The following ESYT2 variants were observed in gnomAD, a reference collection of about 807,000 sequenced individuals.
ESYT2 encodes extended synaptotagmin-2.
Under a neutral mutation model 107.2 loss-of-function variants are expected in ESYT2, and 54 were observed. The ratio of observed to expected loss-of-function variants is 0.50; its 90% CI spans 0.40 to 0.63. The LOEUF is 0.63. ESYT2 is among the 30% of genes least tolerant of loss of function. The pLI is 0.00. For missense variants in ESYT2, 1,020 were observed against 1,094.5 expected, an observed-to-expected ratio of 0.93 and a Z score of 0.96; for synonymous variants, 491 against 434.1, an observed-to-expected ratio of 1.13 and a Z score of -1.63.
chr7:158,743,457 G>T, intron 17 of ESYT2, 72 bp downstream of exon 17: 1 of 1,545,034 alleles, frequency 6.5e-7, no homozygotes, highest in Non-Finnish European at 8.7e-7. Flanking sequence ...CTCATGCCCG[G>T]GGCCCATGAG....
At chr7:158,751,153 A>G (rs1254077378) in intron 14 of ESYT2, among the ~76,000 whole-genome samples, 1 of 152,070 alleles carries the variant, frequency 6.6e-6, no homozygotes, top group Non-Finnish European at 1.5e-5. Context: ...TTTTTGGGGG[A>G]GGTTGGCAGT....
intron 1 of ESYT2, among the ~76,000 whole-genome samples, chr7:158,827,910 G>A (rs1305341774): frequency 6.6e-6 from 1 of 152,132 alleles, no homozygotes; most frequent in Non-Finnish European, 1.5e-5. Flanking sequence ...GAAAGAATTA[G>A]GGAATGACAA....
intron 13 of ESYT2, among the ~76,000 whole-genome samples, chr7:158,754,900 G>A (rs1172999936): frequency 6.6e-6 from 1 of 152,140 alleles, no homozygotes; most frequent in Non-Finnish European, 1.5e-5. Context: ...TAAACAAGTA[G>A]CAACCTGAGA....
At chr7:158,827,186 A>T (rs2129474494) in intron 1 of ESYT2, among the ~76,000 whole-genome samples, 1 of 151,926 alleles carries the variant, frequency 6.6e-6, no homozygotes, top group Non-Finnish European at 1.5e-5. Context: ...AAAGAAAAGA[A>T]AAAGAAAATC....
chr7:158,744,372 C>T (rs1475129778), intron 16 of ESYT2, among the ~76,000 whole-genome samples: 2 of 152,140 alleles, frequency 1.3e-5, no homozygotes, highest in Non-Finnish European at 2.9e-5. Flanking sequence ...CAATAGTCTA[C>T]CTGTCTTTTA....
At chr7:158,822,077 C>G (rs1261666303) in intron 1 of ESYT2, among the ~76,000 whole-genome samples, 2 of 152,090 alleles carry the variant, frequency 1.3e-5, no homozygotes, top group Admixed American at 6.5e-5. Context: ...TGTGTTGGCA[C>G]AATCATCTGC....
intron 1 of ESYT2, among the ~76,000 whole-genome samples, chr7:158,802,946 C>T (rs1042179150): frequency 6.6e-6 from 1 of 152,206 alleles, no homozygotes; most frequent in Non-Finnish European, 1.5e-5. Context: ...TTGAGCTTTG[C>T]TCAATGCTGC....
At chr7:158,744,905 C>T (rs540874761) in intron 16 of ESYT2, among the ~76,000 whole-genome samples, 3 of 152,218 alleles carry the variant, frequency 2.0e-5, no homozygotes, top group South Asian at 4.2e-4. Flanking sequence ...ATAACTATGA[C>T]AATGTTTGTG....
intron 7 of ESYT2, among the ~76,000 whole-genome samples, chr7:158,771,190 G>A (rs1004051214): frequency 5.9e-5 from 9 of 152,208 alleles, no homozygotes; most frequent in African/African-American, 2.2e-4. Flanking sequence ...CACATTCTCT[G>A]ACTGCCCTTT....
intron 16 of ESYT2, among the ~76,000 whole-genome samples, chr7:158,747,405 G>C (rs1837441768): frequency 6.6e-6 from 1 of 150,662 alleles, no homozygotes; most frequent in Non-Finnish European, 1.5e-5. Flanking sequence ...GTATTAAGAA[G>C]ACAAATAACC....
chr7:158,738,922 T>C, intron 19 of ESYT2, 101 bp downstream of exon 19: 4 of 1,195,498 alleles, frequency 3.3e-6, no homozygotes, highest in Non-Finnish European at 4.8e-6. Flanking sequence ...AAATGAAACA[T>C]AAATGGATGT....
At chr7:158,811,351 T>A (rs189891371) in intron 1 of ESYT2, among the ~76,000 whole-genome samples, 2 of 152,266 alleles carry the variant, frequency 1.3e-5, no homozygotes. Flanking sequence ...TGTTCGTGGC[T>A]TAACCAACCA....
chr7:158,785,534 G>A (rs1839082086), intron 6 of ESYT2, among the ~76,000 whole-genome samples: 1 of 152,132 alleles, frequency 6.6e-6, no homozygotes. Flanking sequence ...CTTAAAATAT[G>A]AAGACTACTA....
intron 7 of ESYT2, among the ~76,000 whole-genome samples, chr7:158,770,499 A>G (rs1838322507): frequency 6.6e-6 from 1 of 150,786 alleles, no homozygotes; most frequent in African/African-American, 2.4e-5. Context: ...ATAATTATAC[A>G]TATACGATTA....
At chr7:158,745,086 T>C (rs946744404) in intron 16 of ESYT2, among the ~76,000 whole-genome samples, 13 of 152,230 alleles carry the variant, frequency 8.5e-5, no homozygotes, top group Admixed American at 8.5e-4. Flanking sequence ...GCAGTTTCAA[T>C]GGCAAAAACT....
intron 9 of ESYT2, among the ~76,000 whole-genome samples, chr7:158,763,560 G>A (rs1339125377): frequency 2.6e-5 from 4 of 152,112 alleles, no homozygotes; most frequent in East Asian, 1.9e-4. Context: ...CTCCCAAAGC[G>A]TTGGGATTAC....
chr7:158,826,029 A>C (rs898846249), intron 1 of ESYT2, among the ~76,000 whole-genome samples: 19 of 151,494 alleles, frequency 1.3e-4, no homozygotes, highest in African/African-American at 3.4e-4. Context: ...TAGAAAAAAA[A>C]AAAAACAAAA....
chr7:158,781,810 G>C (rs1194055918), intron 6 of ESYT2, among the ~76,000 whole-genome samples: 2 of 151,798 alleles, frequency 1.3e-5, no homozygotes, highest in Non-Finnish European at 2.9e-5. Context: ...AACAAAGTGT[G>C]AGATGTGAGT....
chr7:158,761,662 C>A, intron 10 of ESYT2, 118 bp from the exon 11 acceptor site: 1 of 862,626 alleles, frequency 1.2e-6, no homozygotes. Flanking sequence ...TGTCTATGAA[C>A]AAGCACTCCA....
Sources: allele counts gnomAD v4.1 joint callset (sites outside exome capture counted in the v4.1 genomes callset), GRCh38; gene constraint gnomAD v4.1.1; transcripts MANE v1.5; gene names NCBI Gene and HGNC (gene_info 2026-07-23, HGNC 2026-07-21).